CACHD1: variants seen among roughly 807,000 people sequenced by gnomAD.
CACHD1 encodes the protein VWFA and cache domain-containing protein 1.
In CACHD1, 71 loss-of-function variants were observed where a neutral mutation model predicts 138.7. The observed-to-expected ratio is 0.51, with a 90% CI of 0.42 to 0.62. The LOEUF (loss-of-function observed/expected upper bound fraction) is 0.62. CACHD1 is among the 20% of genes least tolerant of loss of function. The pLI is 0.00. For missense variants in CACHD1, 1,389 were observed against 1,625.3 expected (o/e 0.85, Z 2.50); for synonymous variants, 578 against 591.5 (o/e 0.98, Z 0.33).
chr1:64,479,063 T>A (rs2100269022), intron 1 of CACHD1, among the ~76,000 whole-genome samples: 1 of 151,922 alleles, frequency 6.6e-6, no homozygotes, highest in East Asian at 1.9e-4. Flanking sequence ...CAATTTGCAG[T>A]GTCTGGGTTA....
intron 2 of CACHD1, among the ~76,000 whole-genome samples, chr1:64,572,657 C>A (rs1021507333): frequency 1.3e-5 from 2 of 152,158 alleles, no homozygotes; most frequent in Non-Finnish European, 2.9e-5. Context: ...TCAGCCTCCC[C>A]CTGTTCTCTG....
chr1:64,489,279 C>G lies in CACHD1; in HGVS notation c.198+18337C>G, dbSNP rs542003950. Among the ~76,000 whole-genome samples the G allele has an allele frequency of 3.9e-5, 6 of 152,178 alleles. No homozygotes were observed. In the East Asian group the frequency reaches 1.2e-3, roughly 29 times the overall value. The stretch of plus-strand genomic sequence containing the variant: ...GCTGCCAGTTGCCCTGAGACTTTTT[C>G]CATTTTCCAATCTCCCAGGAATGCT... On this transcript the variant is annotated intron_variant, in intron 1 of 26. Coordinates refer to ENST00000651257, the MANE Select transcript of CACHD1 (RefSeq NM_020925.4).
At chr1:64,680,890 T>C (rs774561063) in intron 24 of CACHD1, among the ~76,000 whole-genome samples, 1 of 152,252 alleles carries the variant, frequency 6.6e-6, no homozygotes, top group African/African-American at 2.4e-5. Context: ...TGTTAGCTTA[T>C]GCCTGGCCTT....
At chr1:64,495,466 C>T (rs547774095) in intron 1 of CACHD1, among the ~76,000 whole-genome samples, 1 of 152,246 alleles carries the variant, frequency 6.6e-6, no homozygotes, top group East Asian at 1.9e-4. Context: ...TGGCTACCAT[C>T]TCTTCTTATG....
chr1:64,549,203 T>A (rs1446766728), intron 1 of CACHD1, among the ~76,000 whole-genome samples: 1 of 152,150 alleles, frequency 6.6e-6, no homozygotes, highest in East Asian at 1.9e-4. Context: ...ATCACAAAGG[T>A]GTTTTGTGAA....
chr1:64,679,839 G>T, intron 24 of CACHD1, 83 bp downstream of exon 24: 4 of 1,457,776 alleles, frequency 2.7e-6, no homozygotes, highest in Non-Finnish European at 3.7e-6. Flanking sequence ...CTAAGGAACT[G>T]TCAGAACAGT....
chr1:64,688,371 C>A (rs1650433751), intron 26 of CACHD1, among the ~76,000 whole-genome samples: 1 of 152,174 alleles, frequency 6.6e-6, no homozygotes, highest in Non-Finnish European at 1.5e-5. Flanking sequence ...CTTAGCACTG[C>A]TAAAGCTGAG....
chr1:64,610,030 A>G (rs2100593714), intron 4 of CACHD1, among the ~76,000 whole-genome samples: 1 of 152,316 alleles, frequency 6.6e-6, no homozygotes, highest in South Asian at 2.1e-4. Flanking sequence ...GGCAGCAGCA[A>G]GGAGAAGTGA....
chr1:64,681,154 G>A, intron 24 of CACHD1, 104 bp from the exon 25 acceptor site: 1 of 761,322 alleles, frequency 1.3e-6, no homozygotes, highest in South Asian at 1.8e-5. Flanking sequence ...CATTCTTGAT[G>A]GAATGCTGTC....
At chr1:64,579,015 G>A (rs1469639588) in intron 2 of CACHD1, among the ~76,000 whole-genome samples, 1 of 152,118 alleles carries the variant, frequency 6.6e-6, no homozygotes, top group East Asian at 1.9e-4. Flanking sequence ...ACCACACTGG[G>A]ATTATGTTTC....
At chr1:64,531,344 G>A (rs1403259573) in intron 1 of CACHD1, among the ~76,000 whole-genome samples, 1 of 152,124 alleles carries the variant, frequency 6.6e-6, no homozygotes, top group Non-Finnish European at 1.5e-5. Context: ...GATTCTTCCA[G>A]GTTTCTTGAT....
chr1:64,637,786 C>A (rs1207709244), intron 7 of CACHD1, among the ~76,000 whole-genome samples: 1 of 152,096 alleles, frequency 6.6e-6, no homozygotes, highest in African/African-American at 2.4e-5. Flanking sequence ...GAAAAAATAA[C>A]CTAGATTAGT....
chr1:64,647,868 C>G lies in CACHD1; in HGVS notation c.1224C>G (p.Tyr408Ter), dbSNP rs374299365. 2 of 1,613,970 alleles carry G rather than the reference C, an allele frequency of 1.2e-6. No individual in the cohort carries two copies. ...TAGCTGAACAGAATTCAGGGAAGTACGGTGTGCCAGACCGGATGGCCTTGC... is the reference window on the plus strand; with the variant it reads ...TAGCTGAACAGAATTCAGGGAAGTAGGGTGTGCCAGACCGGATGGCCTTGC... ...RDLAEQNSGK[Y>*]GVPDRMALPV... The change falls in exon 9 of 27, where the codon TAC becomes TAG. Residue 408 changes from tyrosine to a stop codon, truncating the protein, a stop_gained. Coordinates refer to ENST00000651257, the MANE Select transcript of CACHD1 (RefSeq NM_020925.4). LOFTEE classifies it high-confidence loss of function.
chr1:64,604,145 T>C (rs1274630334), intron 4 of CACHD1, among the ~76,000 whole-genome samples: 2 of 152,222 alleles, frequency 1.3e-5, no homozygotes, highest in African/African-American at 4.8e-5. Context: ...TCTTTGGGAA[T>C]TGTATACACA....
chr1:64,521,381 A>G (rs768157462), intron 1 of CACHD1, among the ~76,000 whole-genome samples: 30 of 152,226 alleles, frequency 2.0e-4, no homozygotes, highest in African/African-American at 6.8e-4. Flanking sequence ...TAAAAGGTTC[A>G]TGTAATTAGT....
chr1:64,610,606 C>T (rs1647495436), intron 4 of CACHD1, among the ~76,000 whole-genome samples: 3 of 152,222 alleles, frequency 2.0e-5, no homozygotes, highest in South Asian at 2.1e-4. Context: ...TATGCTGATA[C>T]AAGAGATGAG....
intron 1 of CACHD1, among the ~76,000 whole-genome samples, chr1:64,520,129 A>G (rs973185048): frequency 1.3e-5 from 2 of 152,210 alleles, no homozygotes; most frequent in Non-Finnish European, 2.9e-5. Context: ...TGTTATCTTT[A>G]ATAGTCAGCA....
intron 1 of CACHD1, among the ~76,000 whole-genome samples, chr1:64,518,589 T>C (rs927174758): frequency 6.6e-6 from 1 of 152,114 alleles, no homozygotes; most frequent in Non-Finnish European, 1.5e-5. Flanking sequence ...ATCACATGGA[T>C]TGGTGGAGTC....
At chr1:64,563,138 C>A (rs1180212422) in intron 2 of CACHD1, among the ~76,000 whole-genome samples, 1 of 151,844 alleles carries the variant, frequency 6.6e-6, no homozygotes, top group Non-Finnish European at 1.5e-5. Context: ...AAGAATTTTT[C>A]TGCCCCACCC....
Sources: gnomAD v4.1 joint callset for allele counts (sites outside exome capture counted in the v4.1 genomes callset) on GRCh38, gnomAD v4.1.1 for gene constraint, MANE v1.5 for transcripts, NCBI Gene and HGNC (gene_info 2026-07-23, HGNC 2026-07-21) for gene names.